STAG1: variants seen among roughly 807,000 people sequenced by gnomAD.
STAG1 encodes the protein cohesin subunit SA-1.
STAG1 carries 26 observed loss-of-function variants against 170.9 expected under a neutral mutation model. That is an observed-to-expected ratio of 0.15 (90% CI 0.11 to 0.21). The LOEUF is 0.21. Ranked by LOEUF, STAG1 falls within the 10% of genes least tolerant of loss-of-function variation. The pLI, the probability that STAG1 is intolerant of heterozygous loss-of-function variation, is 1.00. For missense variants in STAG1, 964 were observed against 1,509.5 expected (o/e 0.64, Z 5.99); for synonymous variants, 514 against 497.7 (o/e 1.03, Z -0.44).
intron 22 of STAG1, among the ~76,000 whole-genome samples, chr3:136,389,432 A>T (rs2086951280): frequency 6.6e-6 from 1 of 152,148 alleles, no homozygotes; most frequent in Admixed American, 6.5e-5. Context: ...AGCTGGGACT[A>T]CAGGCGCACA....
At chr3:136,442,968 C>T (rs1310706026) in intron 15 of STAG1, among the ~76,000 whole-genome samples, 2 of 152,046 alleles carry the variant, frequency 1.3e-5, no homozygotes, top group African/African-American at 4.8e-5. Flanking sequence ...ATGACTGGGC[C>T]GCTGCACTCC....
intron 9 of STAG1, among the ~76,000 whole-genome samples, chr3:136,498,249 TACACACACACAC>T (rs71157389): frequency 2.7e-5 from 2 of 73,710 alleles, no homozygotes; most frequent in African/African-American, 6.8e-5. Flanking sequence ...TACATATACA[TACACACACACAC>T]ACACACACAC....
Position 136,513,690 on chromosome 3 carries a change from TAAGC to T in STAG1, c.676+7519_676+7522del, listed in dbSNP as rs1175148973. Among the ~76,000 whole-genome samples, 5 of 152,224 alleles carry T rather than the reference TAAGC, an allele frequency of 3.3e-5. No homozygotes were observed. The East Asian group carries it at 9.7e-4, about 29-fold the overall frequency. The stretch of plus-strand genomic sequence containing the variant: ...TGAAATTTAAATTGGGTCAAACTAT[TAAGC>T]AAGAAGCTACAACATGTTTTTCAGG... On this transcript the variant is annotated intron_variant, in intron 7 of 33. Coordinates refer to ENST00000383202, the MANE Select transcript of STAG1 (RefSeq NM_005862.3).
chr3:136,749,986 G>A (rs1935145921), intron 1 of STAG1, among the ~76,000 whole-genome samples: 1 of 151,072 alleles, frequency 6.6e-6, no homozygotes, highest in South Asian at 2.1e-4. Context: ...CAAATAAAAG[G>A]GGAAACAAGA....
At chr3:136,490,687 T>C (rs2090108670) in intron 9 of STAG1, among the ~76,000 whole-genome samples, 1 of 152,202 alleles carries the variant, frequency 6.6e-6, no homozygotes, top group Admixed American at 6.5e-5. Flanking sequence ...AATGGAATAA[T>C]AGTTTGTTCA....
intron 7 of STAG1, among the ~76,000 whole-genome samples, chr3:136,516,973 A>G (rs1250948596): frequency 1.3e-5 from 2 of 152,226 alleles, no homozygotes; most frequent in East Asian, 3.8e-4. Context: ...AAAGACTTCA[A>G]TTTTCTGAGG....
chr3:136,459,925 C>A (rs1281196924), intron 13 of STAG1, among the ~76,000 whole-genome samples: 1 of 151,776 alleles, frequency 6.6e-6, no homozygotes, highest in Non-Finnish European at 1.5e-5. Flanking sequence ...AAACAGACAA[C>A]AATAATGAAA....
At chr3:136,461,937 T>A (rs2089285745) in intron 13 of STAG1, among the ~76,000 whole-genome samples, 1 of 152,088 alleles carries the variant, frequency 6.6e-6, no homozygotes, top group African/African-American at 2.4e-5. Context: ...CCAACTGGTA[T>A]ACAAAAAGTG....
chr3:136,424,631 C>G (rs1233281024), intron 16 of STAG1, among the ~76,000 whole-genome samples: 1 of 152,074 alleles, frequency 6.6e-6, no homozygotes, highest in African/African-American at 2.4e-5. Context: ...CTGCGCCCAG[C>G]CTGAGTGGTC....
At chr3:136,610,916 T>C (rs541639296) in intron 3 of STAG1, among the ~76,000 whole-genome samples, 3 of 152,306 alleles carry the variant, frequency 2.0e-5, no homozygotes, top group Admixed American at 6.5e-5. Flanking sequence ...CCACTAGTTT[T>C]TCATTTTTTA....
intron 4 of STAG1, among the ~76,000 whole-genome samples, chr3:136,598,981 A>G (rs1938556125): frequency 6.6e-6 from 1 of 152,146 alleles, no homozygotes; most frequent in African/African-American, 2.4e-5. Flanking sequence ...TTTGTCTGGA[A>G]ATTTCTCCAA....
intron 1 of STAG1, among the ~76,000 whole-genome samples, chr3:136,700,617 A>G (rs866114976): frequency 1.3e-5 from 2 of 151,704 alleles, no homozygotes; most frequent in Middle Eastern, 3.2e-3. Flanking sequence ...GACGGGTTTC[A>G]CCATGTTGGC....
intron 26 of STAG1, among the ~76,000 whole-genome samples, chr3:136,361,938 A>G (rs1040369462): frequency 1.3e-5 from 2 of 149,490 alleles, no homozygotes; most frequent in African/African-American, 4.9e-5. Flanking sequence ...TACTTATGTT[A>G]TATATAATTA....
intron 1 of STAG1, among the ~76,000 whole-genome samples, chr3:136,684,776 CAAAAAAAAAA>C (rs772542086): frequency 6.3e-5 from 4 of 63,542 alleles, no homozygotes; most frequent in East Asian, 1.2e-3. Context: ...ACCCTGTCTC[CAAAAAAAAAA>C]AAAAAAAAAA....
At chr3:136,527,688 G>C (rs1175126614) in intron 6 of STAG1, among the ~76,000 whole-genome samples, 1 of 152,178 alleles carries the variant, frequency 6.6e-6, no homozygotes, top group Non-Finnish European at 1.5e-5. Context: ...CAGCTTTTCT[G>C]CTCTGTTTTT....
intron 4 of STAG1, among the ~76,000 whole-genome samples, chr3:136,593,304 A>T (rs564194151): frequency 1.1e-4 from 16 of 152,258 alleles, no homozygotes; most frequent in Admixed American, 2.6e-4. Flanking sequence ...TGTTCATGGT[A>T]CATATTAGGT....
intron 3 of STAG1, among the ~76,000 whole-genome samples, chr3:136,611,229 A>T (rs1025509464): frequency 6.2e-4 from 95 of 152,222 alleles, no homozygotes; most frequent in African/African-American, 2.2e-3. Context: ...GGCTCACTGC[A>T]ACCTCCGCCT....
intron 1 of STAG1, among the ~76,000 whole-genome samples, chr3:136,642,221 G>A (rs531953611): frequency 6.0e-5 from 9 of 148,992 alleles, no homozygotes; most frequent in South Asian, 2.1e-4. Flanking sequence ...CATAGAGTTC[G>A]ATGGAACTCT....
chr3:136,589,833 A>C (rs1003638910), intron 4 of STAG1, among the ~76,000 whole-genome samples: 19 of 152,016 alleles, frequency 1.2e-4, no homozygotes, highest in Non-Finnish European at 2.5e-4. Flanking sequence ...CGGGAGGCTG[A>C]GGCAGGAGGA....
Sources: allele counts gnomAD v4.1 joint callset (sites outside exome capture counted in the v4.1 genomes callset), GRCh38; gene constraint gnomAD v4.1.1; transcripts MANE v1.5; gene names NCBI Gene and HGNC (gene_info 2026-07-23, HGNC 2026-07-21).